Variants in TMEM255B observed in about 807,000 individuals in gnomAD.
TMEM255B encodes family with sequence similarity 70, member B.
In TMEM255B, 35 loss-of-function variants were observed where a neutral mutation model predicts 34.5. The observed-to-expected ratio is 1.01, with a 90% confidence interval of 0.77 to 1.34. TMEM255B has a LOEUF of 1.34. Ranked by LOEUF, TMEM255B falls within the 40% of genes most tolerant of loss-of-function variation. The probability of loss-of-function intolerance (pLI) is 0.00; values close to 1 mark genes in which losing one functional copy is unlikely to be tolerated. For missense variants in TMEM255B, 432 were observed against 433.2 expected (o/e 1.00, Z 0.02); for synonymous variants, 206 against 201.2 (o/e 1.02, Z -0.20).
chr13:113,795,071 T>A, intron 3 of TMEM255B, 77 bp from the exon 4 acceptor site: 1 of 1,367,026 alleles, frequency 7.3e-7, no homozygotes, highest in Non-Finnish European at 1.0e-6. Flanking sequence ...GACCTCGAGC[T>A]GGGACTTTGA....
intron 8 of TMEM255B, among the ~76,000 whole-genome samples, chr13:113,809,677 TG>T (rs1022420305): frequency 4.0e-5 from 6 of 151,710 alleles, no homozygotes; most frequent in Non-Finnish European, 8.8e-5. Context: ...CCGTGGTTCC[TG>T]GGGGTTTACT....
intron 5 of TMEM255B, chr13:113,799,647 A>G (rs2051006064): frequency 4.7e-6 from 3 of 636,242 alleles, no homozygotes; most frequent in Non-Finnish European, 5.8e-6. Context: ...TCATTAAATC[A>G]CAACAGTCTC....
intron 5 of TMEM255B, chr13:113,800,060 C>T (rs1478526724): frequency 1.3e-5 from 16 of 1,196,630 alleles, no homozygotes; most frequent in African/African-American, 1.6e-5. Flanking sequence ...TGCCGGGAGG[C>T]ATCGTGTGTG....
chr13:113,795,995 A>G (rs1400827745), intron 4 of TMEM255B, among the ~76,000 whole-genome samples: 4 of 146,238 alleles, frequency 2.7e-5, no homozygotes, highest in Non-Finnish European at 6.0e-5. Context: ...CAGAGCACAC[A>G]GCACACAACA....
chr13:113,759,399 C>G lies in TMEM255B; in HGVS notation c.46+84C>G, dbSNP rs1246504071. The G allele has an allele frequency of 5.1e-6, 6 of 1,185,660 alleles. No individual in the cohort carries two copies. The East Asian group carries it at 1.6e-4, about 32-fold the overall frequency. 73.4% of individuals were successfully genotyped at this position (1,185,660 alleles called of 1,614,324 possible). A position where few individuals can be genotyped will look rare whatever the true frequency, so the allele number is the denominator to read the frequency against. On this transcript the variant is annotated intron_variant, in intron 1 of 8. Coordinates refer to ENST00000375353, the MANE Select transcript of TMEM255B (RefSeq NM_182614.4). ...GCTGGGACTACAGGTCCCCGGCCGG[C>G]CCGGGCGGAACCTGCGCGGAGACGC...
intron 3 of TMEM255B, among the ~76,000 whole-genome samples, chr13:113,792,625 C>A (rs963431656): frequency 6.6e-6 from 1 of 152,262 alleles, no homozygotes; most frequent in African/African-American, 2.4e-5. Context: ...CAAGAGGGAA[C>A]CTCCCTCATC....
intron 3 of TMEM255B, among the ~76,000 whole-genome samples, chr13:113,786,557 ATCATCACCG>A (rs2138550380): frequency 6.6e-6 from 1 of 151,846 alleles, no homozygotes; most frequent in South Asian, 2.1e-4. Context: ...CATCGTCAAC[ATCATCACCG>A]TCATCACCAT....
chr13:113,796,502 C>T (rs2050943073), intron 4 of TMEM255B, among the ~76,000 whole-genome samples: 1 of 148,350 alleles, frequency 6.7e-6, no homozygotes, highest in South Asian at 2.2e-4. Flanking sequence ...CTACACACAC[C>T]ACACAGAGCA....
At chr13:113,786,272 A>G (rs113404098) in intron 3 of TMEM255B, among the ~76,000 whole-genome samples, 7,684 of 149,866 alleles carry the variant, frequency 0.051, 634 homozygotes, top group African/African-American at 0.18. Context: ...CACTGTCATC[A>G]CCATTGTCAC....
rs1477744061 is a variant in TMEM255B, at chr13:113,815,843, G to C, written c.*3940G>C. On this transcript the variant is annotated 3_prime_UTR_variant, in exon 9 of 9. Coordinates refer to ENST00000375353, the MANE Select transcript of TMEM255B (RefSeq NM_182614.4). ...GGCCCATCCACACGCGGGTCACCCGGCCACGGAGAGGAAGGAAGCTCTAAC... is the reference window on the plus strand; with the variant it reads ...GGCCCATCCACACGCGGGTCACCCGCCCACGGAGAGGAAGGAAGCTCTAAC... The C allele has an allele frequency of 6.5e-6, 1 of 153,696 alleles. No homozygotes were observed. 9.5% of individuals were successfully genotyped at this position (153,696 alleles called of 1,614,324 possible).
At chr13:113,795,334 G>A (rs984364894) in intron 4 of TMEM255B, 97 bp downstream of exon 4, 10 of 1,302,440 alleles carry the variant, frequency 7.7e-6, no homozygotes, top group South Asian at 3.9e-5. Flanking sequence ...CAGCTCAGAC[G>A]GCTTCACCGT....
chr13:113,806,421 C>T lies in TMEM255B; in HGVS notation c.813+1393C>T, dbSNP rs1031011242. Among the ~76,000 whole-genome samples the T allele has an allele frequency of 3.9e-5, 6 of 152,298 alleles. No homozygotes were observed. The highest frequency in any genetic ancestry group is 1.9e-4 in the East Asian group (1 of 5,178). On this transcript the variant is annotated intron_variant, in intron 8 of 8. Coordinates refer to ENST00000375353, the MANE Select transcript of TMEM255B (RefSeq NM_182614.4). This position sits in a 1 kb window ranked among gnomAD's most constrained non-coding sequence, Gnocchi z 4.2. ...AGTGGAGATGACCAGGGCCTGACAA[C>T]ATCTCCTCGTGGAGGGATCCCTGCA...
intron 3 of TMEM255B, among the ~76,000 whole-genome samples, chr13:113,774,922 C>T (rs1324573064): frequency 6.7e-6 from 1 of 150,268 alleles, no homozygotes. Context: ...CCACACAATA[C>T]ACTACTCACA....
rs1026409184 is a variant in TMEM255B at position 113,815,228 on chromosome 13, C to T, written c.*3325C>T. The T allele has an allele frequency of 1.3e-5, 2 of 152,080 alleles. No homozygotes were observed. Among genetic ancestry groups the T allele is most frequent in the Admixed American group, 6.6e-5 (1 of 15,254 alleles). The allele number at this position is 152,080 out of a possible 1,614,324, so 9.4% of individuals were successfully genotyped here. A position where few individuals can be genotyped will look rare whatever the true frequency, so the allele number is the denominator to read the frequency against. ...ACACAGTCCGTCCACATGGGGCCAA[C>T]GGCCACAAAGAGAGGAAGGGACATG... is the stretch of plus-strand genomic sequence containing the variant. On this transcript the variant is annotated 3_prime_UTR_variant, in exon 9 of 9. Transcript: ENST00000375353.
chr13:113,792,040 C>T (rs978077449), intron 3 of TMEM255B, among the ~76,000 whole-genome samples: 1 of 152,226 alleles, frequency 6.6e-6, no homozygotes, highest in Admixed American at 6.5e-5. Flanking sequence ...GGACGCGGCC[C>T]CGCTGGAGGC....
At chr13:113,796,278 CAG>C (rs2050933025) in intron 4 of TMEM255B, among the ~76,000 whole-genome samples, 1 of 150,042 alleles carries the variant, frequency 6.7e-6, no homozygotes, top group Non-Finnish European at 1.5e-5. Flanking sequence ...ACACACCACA[CAG>C]AGCACACGCC....
At chr13:113,797,655 C>T (rs1335741039) in intron 4 of TMEM255B, among the ~76,000 whole-genome samples, 3 of 152,212 alleles carry the variant, frequency 2.0e-5, no homozygotes, top group Admixed American at 6.5e-5. Context: ...AGAACGCATC[C>T]GGCCATAATA....
At chr13:113,804,789 T>G in intron 7 of TMEM255B, 96 bp from the exon 8 acceptor site, 1 of 1,139,276 alleles carries the variant, frequency 8.8e-7, no homozygotes. Context: ...AGCCTGAGAG[T>G]CGGGGGTCGA....
chr13:113,762,149 T>C (rs1309609834), intron 1 of TMEM255B, among the ~76,000 whole-genome samples: 2 of 152,262 alleles, frequency 1.3e-5, no homozygotes, highest in Non-Finnish European at 2.9e-5. Context: ...ATTTTAATTA[T>C]CTTTCTCCTA....
Sources: allele counts gnomAD v4.1 joint callset (sites outside exome capture counted in the v4.1 genomes callset), GRCh38; gene constraint gnomAD v4.1.1; non-coding constraint Gnocchi (gnomAD v3.1); transcripts MANE v1.5; gene names NCBI Gene and HGNC (gene_info 2026-07-23, HGNC 2026-07-21).